AKAP7: variants seen among roughly 807,000 people sequenced by gnomAD.
The protein encoded by AKAP7 is A kinase (PRKA) anchor protein 7.
In AKAP7, 39 loss-of-function variants were observed where a neutral mutation model predicts 39.5. That is an observed-to-expected ratio of 0.99 (90% CI 0.76 to 1.29). The LOEUF is 1.29. Ranked by LOEUF, AKAP7 falls within the 50% of genes most tolerant of loss-of-function variation. AKAP7 has a pLI of 0.00. For missense variants in AKAP7, 414 were observed against 407.7 expected (o/e 1.02, Z -0.13); for synonymous variants, 140 against 139.1 (o/e 1.01, Z -0.05).
intron 5 of AKAP7, among the ~76,000 whole-genome samples, chr6:131,190,145 T>C (rs1358152552): frequency 6.6e-6 from 1 of 152,212 alleles, no homozygotes; most frequent in Non-Finnish European, 1.5e-5. Flanking sequence ...AGAAGTACTT[T>C]TCAAAAAGAA....
chr6:131,196,205 T>C (rs944648469), intron 5 of AKAP7, among the ~76,000 whole-genome samples: 10 of 152,130 alleles, frequency 6.6e-5, no homozygotes, highest in African/African-American at 2.2e-4. Flanking sequence ...TACTAATTCT[T>C]TCTTCTGCCT....
intron 5 of AKAP7, among the ~76,000 whole-genome samples, chr6:131,197,316 C>A (rs959313460): frequency 5.1e-4 from 78 of 151,970 alleles, no homozygotes; most frequent in African/African-American, 1.7e-3. Context: ...GCTTTTATTT[C>A]TTCGTATTTT....
At chr6:131,238,415 A>G (rs1202670145) in intron 7 of AKAP7, among the ~76,000 whole-genome samples, 6 of 152,174 alleles carry the variant, frequency 3.9e-5, no homozygotes, top group Non-Finnish European at 7.4e-5. Flanking sequence ...GTAGATGTCT[A>G]TTAGGTCTGC....
At chr6:131,217,426 G>A (rs991242846) in intron 6 of AKAP7, among the ~76,000 whole-genome samples, 4 of 152,010 alleles carry the variant, frequency 2.6e-5, no homozygotes, top group Non-Finnish European at 5.9e-5. Flanking sequence ...AGAGAATGAC[G>A]ATCATGTTGA....
chr6:131,264,013 T>C (rs186949751), intron 7 of AKAP7, among the ~76,000 whole-genome samples: 2 of 152,318 alleles, frequency 1.3e-5, no homozygotes, highest in African/African-American at 4.8e-5. Context: ...CTTGCTATTA[T>C]AATTTATGTT....
chr6:131,241,627 G>A (rs60805239), intron 7 of AKAP7, among the ~76,000 whole-genome samples: 18,487 of 85,958 alleles, frequency 0.22, 2,611 homozygotes, highest in Middle Eastern at 0.37. Flanking sequence ...GTGTGTGTGT[G>A]TATATATATA....
At chr6:131,201,530 T>A (rs1031293277) in intron 6 of AKAP7, among the ~76,000 whole-genome samples, 9 of 152,114 alleles carry the variant, frequency 5.9e-5, no homozygotes, top group Non-Finnish European at 1.3e-4. Flanking sequence ...AATTTTCTCC[T>A]ATTTTGTAGG....
At chr6:131,259,602 T>G (rs752341306) in intron 7 of AKAP7, among the ~76,000 whole-genome samples, 33 of 152,168 alleles carry the variant, frequency 2.2e-4, no homozygotes, top group Non-Finnish European at 4.0e-4. Flanking sequence ...TTAAACCCAG[T>G]AGTATTCTAA....
At chr6:131,242,137 A>T (rs115097594) in intron 7 of AKAP7, 1 of 984,574 alleles carries the variant, frequency 1.0e-6, no homozygotes, top group Non-Finnish European at 1.2e-6. Context: ...TTGTCAATTC[A>T]TGAATTGTGG....
chr6:131,181,228 G>C (rs564421827), intron 5 of AKAP7, among the ~76,000 whole-genome samples: 2 of 152,076 alleles, frequency 1.3e-5, no homozygotes, highest in African/African-American at 4.8e-5. Flanking sequence ...GAGCCACCGC[G>C]CCTGGCCCCA....
In AKAP7 at chr6:131,251,028, T is replaced by C. The variant is rs3777481; in HGVS notation, c.851-30502T>C. ...CAGAGCAATGCTCAACAGTAACAAA[T>C]AGGTAAAGCTGGTTCTAAAATGACA... On this transcript the variant is annotated intron_variant, in intron 7 of 7. Coordinates refer to ENST00000431975, the MANE Select transcript of AKAP7 (RefSeq NM_016377.4). 0.014 allele frequency among the ~76,000 whole-genome samples: 2,190 copies of C among 152,322 alleles called. 143 individuals are homozygous for C. In the East Asian group the frequency reaches 0.18, roughly 12 times the overall value.
At chr6:131,244,560 T>C (rs1811851000) in intron 7 of AKAP7, among the ~76,000 whole-genome samples, 1 of 152,212 alleles carries the variant, frequency 6.6e-6, no homozygotes, top group South Asian at 2.1e-4. Flanking sequence ...CTCCCTAACT[T>C]ATTTCTCAAT....
chr6:131,245,975 A>G (rs1423132769), intron 7 of AKAP7, among the ~76,000 whole-genome samples: 1 of 151,998 alleles, frequency 6.6e-6, no homozygotes, highest in Non-Finnish European at 1.5e-5. Flanking sequence ...GAAGATTGGG[A>G]ATTTGTACAG....
At chr6:131,134,522 T>C (rs560208575), upstream of AKAP7, among the ~76,000 whole-genome samples, 36 of 152,362 alleles carry the variant, frequency 2.4e-4, no homozygotes, top group African/African-American at 8.7e-4. Flanking sequence ...TTCTCTGCTA[T>C]TATATGATCA....
chr6:131,128,415 C>T, the AKAP7 span, among the ~76,000 whole-genome samples: 1 of 152,248 alleles, frequency 6.6e-6, no homozygotes, highest in African/African-American at 2.4e-5. Flanking sequence ...TGCTTATAAG[C>T]ATATAGATTT....
intron 7 of AKAP7, among the ~76,000 whole-genome samples, chr6:131,261,728 C>T (rs918706252): frequency 6.6e-5 from 10 of 152,076 alleles, no homozygotes; most frequent in Non-Finnish European, 4.4e-5. Flanking sequence ...ATAGCTGTTC[C>T]TTTGTACCCT....
intron 7 of AKAP7, among the ~76,000 whole-genome samples, chr6:131,276,495 A>G (rs1814754709): frequency 1.3e-5 from 2 of 152,094 alleles, no homozygotes; most frequent in Admixed American, 1.3e-4. Context: ...TGAATAGCCT[A>G]CAGATCTATA....
chr6:131,282,535 T>C lies in AKAP7; in HGVS notation c.*809T>C. Reference sequence around the variant, plus strand: ...CTCAGGCCAGAATTAGGAGGGAGCTTTTTGAAGGAAGACTTATTAACAACA... The same window carrying C: ...CTCAGGCCAGAATTAGGAGGGAGCTCTTTGAAGGAAGACTTATTAACAACA... On this transcript the variant is annotated 3_prime_UTR_variant, in exon 8 of 8. Coordinates refer to ENST00000431975, the MANE Select transcript of AKAP7 (RefSeq NM_016377.4). The C allele has an allele frequency of 6.5e-7, 1 of 1,535,850 alleles. No homozygotes were observed. The highest frequency in any genetic ancestry group is 8.7e-7 in the Non-Finnish European group (1 of 1,146,796).
intron 2 of AKAP7, 103 bp downstream of exon 2, chr6:131,145,519 T>G: frequency 1.4e-6 from 1 of 733,612 alleles, no homozygotes; most frequent in South Asian, 5.5e-5. Flanking sequence ...TTAATACTTA[T>G]GTTTTTGAGT....
Sources: gnomAD v4.1 joint callset for allele counts (sites outside exome capture counted in the v4.1 genomes callset) on GRCh38, gnomAD v4.1.1 for gene constraint, MANE v1.5 for transcripts, NCBI Gene and HGNC (gene_info 2026-07-23, HGNC 2026-07-21) for gene names.